Variants in FBXL13 observed in about 807,000 individuals in gnomAD.
The protein encoded by FBXL13 is F-box and leucine-rich repeat protein 13.
Under a neutral mutation model 83.6 loss-of-function variants are expected in FBXL13, and 67 were observed. The ratio of observed to expected loss-of-function variants is 0.80; its 90% CI spans 0.66 to 0.98. The LOEUF (loss-of-function observed/expected upper bound fraction) is 0.98. Ranked by LOEUF, FBXL13 falls within the 50% of genes least tolerant of loss-of-function variation. FBXL13 has a pLI of 0.00. For synonymous variants in FBXL13, 272 were observed against 299.5 expected (o/e 0.91, Z 0.95); for missense variants, 822 against 866.5 (o/e 0.95, Z 0.64).
intron 17 of FBXL13, among the ~76,000 whole-genome samples, chr7:102,853,758 A>C (rs1461542144): frequency 2.0e-5 from 3 of 152,232 alleles, no homozygotes; most frequent in South Asian, 2.1e-4. Flanking sequence ...CAGCCAAAAA[A>C]CACATGAAAA....
chr7:102,944,528 C>T, intron 8 of FBXL13: 2 of 1,613,642 alleles, frequency 1.2e-6, no homozygotes, highest in African/African-American at 1.3e-5. Flanking sequence ...GACCAAGACA[C>T]AGAAGATGAT....
chr7:103,054,113 G>A (rs375334870), intron 2 of FBXL13, among the ~76,000 whole-genome samples: 5 of 143,462 alleles, frequency 3.5e-5, no homozygotes, highest in South Asian at 2.2e-4. Flanking sequence ...TATCATGCAC[G>A]GGCCAAGCAC....
At chr7:102,912,012 C>G (rs1051806883) in intron 11 of FBXL13, among the ~76,000 whole-genome samples, 1 of 152,120 alleles carries the variant, frequency 6.6e-6, no homozygotes, top group African/African-American at 2.4e-5. Flanking sequence ...ATTCAAGAAC[C>G]CTGGGGGAGA....
intron 11 of FBXL13, among the ~76,000 whole-genome samples, chr7:102,893,533 G>A (rs1001322504): frequency 2.6e-5 from 4 of 152,150 alleles, no homozygotes; most frequent in East Asian, 1.9e-4. Flanking sequence ...TTGGGAGGCC[G>A]AGACGGGCGG....
At chr7:102,913,363 G>T in intron 10 of FBXL13, 148 bp from the exon 12 acceptor site, 1 of 879,266 alleles carries the variant, frequency 1.1e-6, no homozygotes, top group Non-Finnish European at 1.7e-6. Context: ...CTCTCTACCT[G>T]TTAATTAAAG....
chr7:102,854,088 G>A (rs60012542), intron 17 of FBXL13, among the ~76,000 whole-genome samples: 31,751 of 151,284 alleles, frequency 0.21, 3,848 homozygotes, highest in East Asian at 0.59. Flanking sequence ...TTATTGTGGC[G>A]CTATTCACAA....
chr7:102,942,737 T>G (rs1399881227), intron 8 of FBXL13, among the ~76,000 whole-genome samples: 1 of 152,158 alleles, frequency 6.6e-6, no homozygotes, highest in South Asian at 2.1e-4. Flanking sequence ...AGTTATTTTT[T>G]TAAGGGGGAA....
Position 103,074,245 on chromosome 7 carries a change from C to T in FBXL13, c.-105+1G>A. 4.0e-6 allele frequency: 4 copies of T among 998,264 alleles called. No individual in the cohort carries two copies. The South Asian group carries it at 1.7e-4, about 44-fold the overall frequency. 61.8% of individuals were successfully genotyped at this position (998,264 alleles called of 1,614,324 possible). On this transcript the variant is annotated splice_donor_variant, in intron 1 of 19. Coordinates refer to ENST00000313221, the Ensembl canonical transcript of FBXL13. LOFTEE classifies it low-confidence loss of function (5UTR_SPLICE). ...CGGCTCCATGGAAACCTCAGGCTCA[C>T]CTTGGGCAGAATCCAGCTCCTTATC...
chr7:103,041,244 T>G (rs1795657459), intron 2 of FBXL13, among the ~76,000 whole-genome samples: 2 of 152,210 alleles, frequency 1.3e-5, no homozygotes, highest in Non-Finnish European at 2.9e-5. Context: ...GACAAATTCC[T>G]GGACACATAC....
At chr7:102,901,317 T>C (rs965427981) in intron 11 of FBXL13, among the ~76,000 whole-genome samples, 2 of 152,220 alleles carry the variant, frequency 1.3e-5, no homozygotes, top group Non-Finnish European at 2.9e-5. Context: ...ATGGGTTACA[T>C]GAAATGTTTT....
chr7:102,883,515 C>T (rs753620995), intron 13 of FBXL13, 48 bp from the exon 15 acceptor site: 1 of 1,589,956 alleles, frequency 6.3e-7, no homozygotes, highest in East Asian at 2.2e-5. Context: ...TTTAGAATGC[C>T]ACAAGAGTAA....
At chr7:102,996,353 C>T (rs1789785718) in intron 6 of FBXL13, among the ~76,000 whole-genome samples, 1 of 152,170 alleles carries the variant, frequency 6.6e-6, no homozygotes, top group African/African-American at 2.4e-5. Flanking sequence ...TAGGAAAGAG[C>T]ATTAGACCAG....
intron 16 of FBXL13, among the ~76,000 whole-genome samples, chr7:102,877,239 T>C (rs968982466): frequency 3.9e-5 from 6 of 152,234 alleles, no homozygotes; most frequent in African/African-American, 1.4e-4. Context: ...TTATCTGTCA[T>C]GACTTTCCCC....
chr7:102,964,081 C>T (rs535742632), intron 7 of FBXL13, among the ~76,000 whole-genome samples: 6 of 152,214 alleles, frequency 3.9e-5, no homozygotes, highest in Non-Finnish European at 7.4e-5. Context: ...GAGGCCAAAG[C>T]GGGCGGATCA....
At chr7:102,813,608 G>A in intron 19 of FBXL13, 77 bp from the exon 21 acceptor site, 1 of 1,443,820 alleles carries the variant, frequency 6.9e-7, no homozygotes. Flanking sequence ...AACCAAATTT[G>A]GAGTTAGGGA....
intron 6 of FBXL13, among the ~76,000 whole-genome samples, chr7:102,968,425 T>C (rs576575430): frequency 6.6e-6 from 1 of 152,210 alleles, no homozygotes; most frequent in East Asian, 1.9e-4. Flanking sequence ...TGAATGAAGA[T>C]AGAATTCTGC....
intron 8 of FBXL13, among the ~76,000 whole-genome samples, chr7:102,932,820 A>C (rs998493870): frequency 1.3e-5 from 2 of 151,998 alleles, no homozygotes; most frequent in African/African-American, 2.4e-5. Context: ...TGCTGCTCAG[A>C]CTGGTCTCAA....
chr7:102,890,467 A>G (rs1240215682), intron 11 of FBXL13, among the ~76,000 whole-genome samples: 1 of 152,226 alleles, frequency 6.6e-6, no homozygotes, highest in East Asian at 1.9e-4. Flanking sequence ...CACAAGTCCC[A>G]GCAGACAGCT....
chr7:102,866,164 T>C (rs545819577), intron 16 of FBXL13, among the ~76,000 whole-genome samples: 1 of 152,332 alleles, frequency 6.6e-6, no homozygotes, highest in South Asian at 2.1e-4. Flanking sequence ...CTCTGTTACC[T>C]GAAAGTAGAC....
Sources: allele counts gnomAD v4.1 joint callset (sites outside exome capture counted in the v4.1 genomes callset), GRCh38; gene constraint gnomAD v4.1.1; transcripts MANE v1.5; gene names NCBI Gene and HGNC (gene_info 2026-07-23, HGNC 2026-07-21).